Variants in CLDN16 observed in about 807,000 individuals in gnomAD.
CLDN16 encodes the protein claudin 16, also known as claudin-16.
Under a neutral mutation model 24.6 loss-of-function variants are expected in CLDN16, and 13 were observed. The ratio of observed to expected loss-of-function variants is 0.53; its 90% confidence interval spans 0.34 to 0.84. CLDN16 has a LOEUF of 0.84. CLDN16 is among the 40% of genes least tolerant of loss of function. CLDN16 has a pLI of 0.01. For synonymous variants in CLDN16, 116 were observed against 106.7 expected, an observed-to-expected ratio of 1.09 and a Z score of -0.54; for missense variants, 298 against 292.7, an observed-to-expected ratio of 1.02 and a Z score of -0.13.
At chr3:190,367,653 A>C (rs1718051201) in intron 1 of CLDN16, among the ~76,000 whole-genome samples, 1 of 151,888 alleles carries the variant, frequency 6.6e-6, no homozygotes, top group African/African-American at 2.4e-5. Context: ...GGAAAATGAA[A>C]CCTTTTCTGT....
chr3:190,388,371 T>C lies in CLDN16; in HGVS notation c.42T>C (p.Phe14=). The C allele has an allele frequency of 1.2e-6, 2 of 1,614,086 alleles. No homozygotes were observed. The highest frequency in any genetic ancestry group is 8.5e-7 in the Non-Finnish European group (1 of 1,179,986). The change falls in exon 1 of 5, where the codon TTT becomes TTC. Residue 14 remains phenylalanine (F), a synonymous_variant. Transcript: ENST00000264734. ...AATACATCGCTTGCTTCTTTGCCTT[T>C]TTCTCTGCTGGGTTTTTGATTGTGG... ...LLQYIACFFA[F]FSAGFLIVAT...
chr3:190,350,365 T>C (rs551525329), intron 1 of CLDN16, among the ~76,000 whole-genome samples: 18 of 148,670 alleles, frequency 1.2e-4, no homozygotes, highest in East Asian at 9.9e-4. Flanking sequence ...TATATATATA[T>C]ACTTTATTAT....
intron 1 of CLDN16, among the ~76,000 whole-genome samples, chr3:190,394,957 T>TTTTTGC (rs1718779359): frequency 1.3e-5 from 2 of 152,096 alleles, no homozygotes; most frequent in Non-Finnish European, 2.9e-5. Context: ...AGAATGTGGC[T>TTTTTGC]TTTTGCTTAG....
At chr3:190,295,419 T>C in the CLDN16 span, among the ~76,000 whole-genome samples, 1 of 152,316 alleles carries the variant, frequency 6.6e-6, no homozygotes, top group South Asian at 2.1e-4. Context: ...TAACCTTTTC[T>C]TTGTGGGATT....
At chr3:190,299,315 T>C in the CLDN16 span, among the ~76,000 whole-genome samples, 28 of 152,234 alleles carry the variant, frequency 1.8e-4, no homozygotes, top group Non-Finnish European at 4.1e-4. Flanking sequence ...GATCTATTGG[T>C]TTTTAAAAGT....
upstream of CLDN16, chr3:190,388,138 C>T: frequency 6.2e-7 from 1 of 1,613,970 alleles, no homozygotes; most frequent in Non-Finnish European, 8.5e-7. Flanking sequence ...CAGGACCCCA[C>T]TGTTGGTTAC....
upstream of CLDN16, among the ~76,000 whole-genome samples, chr3:190,386,772 T>C (rs1327457659): frequency 6.6e-6 from 1 of 152,182 alleles, no homozygotes; most frequent in Non-Finnish European, 1.5e-5. Context: ...CACCTATGGT[T>C]TTCCATGCAG....
At chr3:190,356,552 C>T (rs969866435) in intron 1 of CLDN16, among the ~76,000 whole-genome samples, 5 of 151,780 alleles carry the variant, frequency 3.3e-5, no homozygotes, top group African/African-American at 9.7e-5. Context: ...TTAGATGGCC[C>T]TTCCTCAATC....
chr3:190,326,718 T>C (rs3954259), intron 1 of CLDN16, among the ~76,000 whole-genome samples: 85,492 of 151,960 alleles, frequency 0.56, 25,081 homozygotes, highest in African/African-American at 0.74. Flanking sequence ...ACTTCCCCCA[T>C]AGATTGCCCC....
chr3:190,300,016 G>A, the CLDN16 span, among the ~76,000 whole-genome samples: 87,628 of 152,022 alleles, frequency 0.58, 25,941 homozygotes, highest in African/African-American at 0.71. Flanking sequence ...AATTCATCAA[G>A]GCATCTGTCT....
chr3:190,328,332 A>G (rs182097233), intron 1 of CLDN16, among the ~76,000 whole-genome samples: 2 of 152,278 alleles, frequency 1.3e-5, no homozygotes, highest in Admixed American at 1.3e-4. Flanking sequence ...GATAAGACAG[A>G]ATCTAGGATA....
upstream of CLDN16, chr3:190,322,367 G>A: frequency 7.1e-6 from 5 of 700,488 alleles, no homozygotes; most frequent in Admixed American, 2.3e-5. Flanking sequence ...CTCTGGGTCG[G>A]GGTTGGGGTC....
At chr3:190,317,507 G>A in the CLDN16 span, among the ~76,000 whole-genome samples, 1 of 152,190 alleles carries the variant, frequency 6.6e-6, no homozygotes, top group Non-Finnish European at 1.5e-5. Flanking sequence ...CAAATGTGTA[G>A]AAAGACAGAC....
chr3:190,294,701 T>C, the CLDN16 span, among the ~76,000 whole-genome samples: 6 of 152,128 alleles, frequency 3.9e-5, no homozygotes, highest in Admixed American at 2.0e-4. Context: ...GAAGAACATT[T>C]TTTACCCTAA....
intron 1 of CLDN16, among the ~76,000 whole-genome samples, chr3:190,364,171 G>A (rs887310581): frequency 6.6e-6 from 1 of 151,610 alleles, no homozygotes; most frequent in African/African-American, 2.4e-5. Context: ...CCACATGTGA[G>A]TACAGTTTGG....
intron 1 of CLDN16, among the ~76,000 whole-genome samples, chr3:190,389,403 G>A (rs1393616427): frequency 6.6e-6 from 1 of 152,162 alleles, no homozygotes; most frequent in Non-Finnish European, 1.5e-5. Flanking sequence ...TAAAGTTTAA[G>A]AAAGATACTC....
chr3:190,346,708 G>A (rs2108632765), intron 1 of CLDN16, among the ~76,000 whole-genome samples: 2 of 152,258 alleles, frequency 1.3e-5, no homozygotes, highest in Middle Eastern at 3.4e-3. Context: ...ATCTTGGGAA[G>A]TATCCTTCCC....
At position 190,380,199 on chromosome 3, in the gene CLDN16, C is replaced by CTTTT. The variant is rs1414910255; in HGVS notation, n.306+5596_306+5597insTTTT. Among the ~76,000 whole-genome samples, 37 of 130,500 alleles carry CTTTT rather than the reference C, an allele frequency of 2.8e-4. 6 individuals are homozygous for CTTTT. The highest frequency in any genetic ancestry group is 4.0e-4 in the Non-Finnish European group (24 of 59,930). 85.6% of individuals were successfully genotyped at this position (130,500 alleles called of 152,430 possible). On this transcript the variant is annotated intron_variant and non_coding_transcript_variant, in intron 3 of 4. Transcript: ENST00000468220. Reference sequence around the variant, plus strand: ...CTTCCTTCCTTTTCTTCCTTCCCTCCCTTCCTTCCTTCCTCCCTTCCTTCC... The same window carrying CTTTT: ...CTTCCTTCCTTTTCTTCCTTCCCTCCTTTTCTTCCTTCCTTCCTCCCTTCCTTCC...
At chr3:190,362,698 C>A (rs1037236381) in intron 1 of CLDN16, among the ~76,000 whole-genome samples, 1 of 151,946 alleles carries the variant, frequency 6.6e-6, no homozygotes, top group Admixed American at 6.6e-5. Context: ...TAAAAAATTG[C>A]AAGTTGACTT....
Sources: gnomAD v4.1 joint callset for allele counts (sites outside exome capture counted in the v4.1 genomes callset) on GRCh38, gnomAD v4.1.1 for gene constraint, MANE v1.5 for transcripts, NCBI Gene and HGNC (gene_info 2026-07-23, HGNC 2026-07-21) for gene names.